The following CDKAL1 variants were observed in gnomAD, a reference collection of about 807,000 sequenced individuals.
The protein encoded by CDKAL1 is CDKAL1 threonylcarbamoyladenosine tRNA methylthiotransferase, also known as threonylcarbamoyladenosine tRNA methylthiotransferase.
CDKAL1 carries 32 observed loss-of-function variants against 68.2 expected under a neutral mutation model. The observed-to-expected ratio is 0.47, with a 90% CI of 0.35 to 0.63. The LOEUF is 0.63. Among genes scored for constraint, CDKAL1 ranks in the 30% least tolerant of loss-of-function variants. The pLI, the probability that CDKAL1 is intolerant of heterozygous loss-of-function variation, is 0.00. For synonymous variants in CDKAL1, 234 were observed against 244.3 expected (o/e 0.96, Z 0.39); for missense variants, 606 against 696.7 (o/e 0.87, Z 1.47).
At chr6:20,956,266 T>C (rs1396159334) in intron 10 of CDKAL1, among the ~76,000 whole-genome samples, 2 of 152,226 alleles carry the variant, frequency 1.3e-5, no homozygotes, top group Admixed American at 6.5e-5. Context: ...ATTTTGTTTT[T>C]ATACTTTTCC....
At chr6:21,180,861 G>C (rs966622439) in intron 13 of CDKAL1, among the ~76,000 whole-genome samples, 5 of 152,100 alleles carry the variant, frequency 3.3e-5, no homozygotes, top group African/African-American at 1.2e-4. Flanking sequence ...AAGCTTATGT[G>C]TTAGAAACTT....
At chr6:20,728,658 TC>T (rs1373623904) in intron 5 of CDKAL1, among the ~76,000 whole-genome samples, 16 of 152,164 alleles carry the variant, frequency 1.1e-4, no homozygotes, top group African/African-American at 3.6e-4. Context: ...TTTCTGGTCC[TC>T]AGTTTCCTCT....
chr6:20,564,236 A>G (rs1581732455), intron 4 of CDKAL1, among the ~76,000 whole-genome samples: 1 of 152,214 alleles, frequency 6.6e-6, no homozygotes, highest in East Asian at 1.9e-4. Flanking sequence ...GCAAGACCCC[A>G]TCTCCAAAAA....
chr6:21,086,722 G>A (rs1334649261), intron 12 of CDKAL1, among the ~76,000 whole-genome samples: 6 of 152,020 alleles, frequency 3.9e-5, no homozygotes, highest in African/African-American at 1.4e-4. Flanking sequence ...GACTGCCCAA[G>A]ACCAGCTTTA....
intron 8 of CDKAL1, among the ~76,000 whole-genome samples, chr6:20,807,893 A>T (rs1015743537): frequency 6.6e-6 from 1 of 152,226 alleles, no homozygotes; most frequent in Non-Finnish European, 1.5e-5. Context: ...CTGTACTTCA[A>T]AATCCATTTA....
At position 20,936,207 on chromosome 6, in the gene CDKAL1, T is replaced by G. The variant is rs1243377920; in HGVS notation, c.743-19212T>G. Among the ~76,000 whole-genome samples, 6 of 151,814 alleles carry G rather than the reference T, an allele frequency of 4.0e-5. No homozygotes were observed. In the East Asian group the frequency reaches 1.2e-3, roughly 29 times the overall value. ...TTAACTTAAAGCTTTTCTGTACATT[T>G]TTTTAAAAAAATTCTGTGTCACAGT... is the stretch of plus-strand genomic sequence containing the variant. On this transcript the variant is annotated intron_variant, in intron 9 of 15. Transcript: ENST00000274695.
chr6:20,670,397 T>G (rs1445368323), intron 5 of CDKAL1, among the ~76,000 whole-genome samples: 1 of 152,174 alleles, frequency 6.6e-6, no homozygotes, highest in Admixed American at 6.6e-5. Flanking sequence ...GCCCTCAAAG[T>G]CAGAATGATA....
chr6:20,815,577 C>G (rs1362454423), intron 8 of CDKAL1, among the ~76,000 whole-genome samples: 1 of 143,788 alleles, frequency 7.0e-6, no homozygotes, highest in Non-Finnish European at 1.5e-5. Flanking sequence ...ATGTTTTTTT[C>G]TTTATGCTTT....
intron 5 of CDKAL1, among the ~76,000 whole-genome samples, chr6:20,678,593 C>G (rs1562019754): frequency 6.6e-6 from 1 of 152,098 alleles, no homozygotes; most frequent in Non-Finnish European, 1.5e-5. Context: ...GAACTTAACT[C>G]TTGCTCATAT....
At chr6:20,634,210 A>C in intron 4 of CDKAL1, among the ~76,000 whole-genome samples, 1 of 152,232 alleles carries the variant, frequency 6.6e-6, no homozygotes, top group East Asian at 1.9e-4. Context: ...CCTTTACTAA[A>C]TAGAACTATT....
chr6:21,059,076 G>C (rs1245904397), intron 11 of CDKAL1, among the ~76,000 whole-genome samples: 1 of 152,188 alleles, frequency 6.6e-6, no homozygotes, highest in Non-Finnish European at 1.5e-5. Flanking sequence ...CTGTCCCAGG[G>C]AGATCAGAGA....
In CDKAL1 at chr6:20,876,857, C is replaced by T. The variant is rs74918607; in HGVS notation, c.742+30679C>T. Among the ~76,000 whole-genome samples, 367 of 152,150 alleles carry T rather than the reference C, an allele frequency of 2.4e-3. 4 individuals are homozygous for T. Among genetic ancestry groups the T allele is most frequent in the African/African-American group, 8.1e-3 (336 of 41,544 alleles). On this transcript the variant is annotated intron_variant, in intron 9 of 15. Coordinates refer to ENST00000274695, the MANE Select transcript of CDKAL1 (RefSeq NM_017774.3). ...TTCCTTTATGATATACACACACACA[C>T]GTACACACAGAGCTACCTATCTCCT...
chr6:21,074,641 G>A (rs1288715301), intron 12 of CDKAL1, among the ~76,000 whole-genome samples: 1 of 152,094 alleles, frequency 6.6e-6, no homozygotes, highest in Admixed American at 6.5e-5. Context: ...TATATGATGT[G>A]CACTGAGTCT....
At chr6:20,901,699 A>AAAAAG (rs553554009) in intron 9 of CDKAL1, among the ~76,000 whole-genome samples, 23,048 of 76,182 alleles carry the variant, frequency 0.3, 4,699 homozygotes, top group Middle Eastern at 0.42. Context: ...AAAAAAAAAA[A>AAAAAG]AAAAGAAAAG....
intron 10 of CDKAL1, among the ~76,000 whole-genome samples, chr6:20,988,810 C>A (rs1247088367): frequency 7.8e-6 from 1 of 127,654 alleles, no homozygotes; most frequent in Non-Finnish European, 1.6e-5. Context: ...CCACCACTCC[C>A]AGTTAATTTT....
chr6:20,921,344 G>A (rs1441725892), intron 9 of CDKAL1, among the ~76,000 whole-genome samples: 3 of 152,110 alleles, frequency 2.0e-5, no homozygotes, highest in African/African-American at 4.8e-5. Context: ...CAGGAGAATC[G>A]CTTGAACCCA....
chr6:21,173,621 G>T (rs960426088), intron 13 of CDKAL1, among the ~76,000 whole-genome samples: 3 of 152,184 alleles, frequency 2.0e-5, no homozygotes, highest in African/African-American at 7.2e-5. Flanking sequence ...CCTGTGCTAG[G>T]TAGTGGGGCT....
intron 5 of CDKAL1, among the ~76,000 whole-genome samples, chr6:20,673,327 C>T (rs779119667): frequency 5.9e-5 from 9 of 152,094 alleles, no homozygotes; most frequent in East Asian, 1.9e-4. Context: ...ATTAAATGGG[C>T]GTAGTACTTG....
chr6:20,917,080 A>G (rs907976419), intron 9 of CDKAL1, among the ~76,000 whole-genome samples: 1 of 152,192 alleles, frequency 6.6e-6, no homozygotes, highest in African/African-American at 2.4e-5. Context: ...TCCCGGGTTC[A>G]AGCGATTCTC....
Sources: gnomAD v4.1 joint callset for allele counts (sites outside exome capture counted in the v4.1 genomes callset) on GRCh38, gnomAD v4.1.1 for gene constraint, MANE v1.5 for transcripts, NCBI Gene and HGNC (gene_info 2026-07-23, HGNC 2026-07-21) for gene names.